CHD2: variants seen among roughly 807,000 people sequenced by gnomAD.
CHD2 encodes the protein chromodomain helicase DNA binding protein 2.
In CHD2, 28 loss-of-function variants were observed where a neutral mutation model predicts 243.9. That is an observed-to-expected ratio of 0.11 (90% CI 0.09 to 0.16). The LOEUF (loss-of-function observed/expected upper bound fraction) is 0.16. Ranked by LOEUF, CHD2 falls within the 10% of genes least tolerant of loss-of-function variation. The probability of loss-of-function intolerance (pLI) is 1.00; values close to 1 mark genes in which losing one functional copy is unlikely to be tolerated. For synonymous variants in CHD2, 775 were observed against 779.0 expected (o/e 0.99, Z 0.09); for missense variants, 1,386 against 2,209.8 (o/e 0.63, Z 7.47).
At chr15:92,918,794 G>T (rs915168791) in intron 2 of CHD2, among the ~76,000 whole-genome samples, 2 of 150,860 alleles carry the variant, frequency 1.3e-5, no homozygotes, top group African/African-American at 2.4e-5. Flanking sequence ...ACACATGTAC[G>T]CTATATATAC....
Position 92,985,484 on chromosome 15 carries a change from T to C in CHD2, c.3238-14T>C. 1 of 1,601,934 alleles carries C rather than the reference T, an allele frequency of 6.2e-7. No homozygotes were observed. The highest frequency in any genetic ancestry group is 8.5e-7 in the Non-Finnish European group (1 of 1,172,000). Reference sequence around the variant, plus strand: ...GCACTTGTTACAGTGTGACTTTGCCTCGATCTTTCTCAGGCTCAGACAAAT... The same window carrying C: ...GCACTTGTTACAGTGTGACTTTGCCCCGATCTTTCTCAGGCTCAGACAAAT... On this transcript the variant is annotated splice_polypyrimidine_tract_variant and intron_variant, in intron 25 of 38. Transcript: ENST00000394196.
intron 21 of CHD2, 44 bp from the exon 22 acceptor site, chr15:92,979,091 G>T: frequency 6.3e-7 from 1 of 1,590,528 alleles, no homozygotes; most frequent in Admixed American, 1.8e-5. Context: ...TGGGGGGGTT[G>T]GGGGGTGGTT....
intron 13 of CHD2, among the ~76,000 whole-genome samples, chr15:92,952,923 A>C (rs370803445): frequency 6.6e-6 from 1 of 152,248 alleles, no homozygotes; most frequent in African/African-American, 2.4e-5. Flanking sequence ...GGGTGGCATT[A>C]AACAACCCAG....
rs748323413 is a variant in CHD2, at chr15:92,951,313, C to T, written c.1503-2044C>T. ...AGGCTCTTGAGTAGCTGGGATTACA[C>T]GCACGCACCACCATGCCTGGCTAAT... On this transcript the variant is annotated intron_variant, in intron 13 of 38. Coordinates refer to ENST00000394196, the MANE Select transcript of CHD2 (RefSeq NM_001271.4). 6.2e-4 allele frequency among the ~76,000 whole-genome samples: 94 copies of T among 152,010 alleles called. 1 individual carries two copies. The highest frequency in any genetic ancestry group is 2.1e-4 in the Non-Finnish European group (14 of 67,962).
chr15:92,997,521 T>G lies in CHD2; in HGVS notation c.3885+118T>G. The G allele has an allele frequency of 1.1e-6, 1 of 875,922 alleles. No individual in the cohort carries two copies. Among genetic ancestry groups the G allele is most frequent in the Non-Finnish European group, 1.6e-6 (1 of 611,692 alleles). The allele number at this position is 875,922 out of a possible 1,614,324, so 54.3% of individuals were successfully genotyped here. ...ATCAAATTAGAAATTAGTATAGTCA[T>G]TCTTGGAAATACTTCCATCTTTAGC... On this transcript the variant is annotated intron_variant, in intron 30 of 38. Transcript: ENST00000394196. This position sits in a 1 kb window ranked among gnomAD's most constrained non-coding sequence, Gnocchi z 4.1.
intron 7 of CHD2, among the ~76,000 whole-genome samples, chr15:92,940,763 A>G (rs2053348755): frequency 6.9e-6 from 1 of 144,110 alleles, no homozygotes; most frequent in Non-Finnish European, 1.5e-5. Context: ...ACATATATAA[A>G]AATATATATA....
At chr15:92,955,341 T>C (rs185194272) in intron 14 of CHD2, 82 bp from the exon 15 acceptor site, 9 of 760,792 alleles carry the variant, frequency 1.2e-5, no homozygotes, top group Non-Finnish European at 1.4e-5. Context: ...TTGGCATGTT[T>C]CTATTACATC....
At chr15:92,977,059 T>C (rs1192723666) in intron 20 of CHD2, among the ~76,000 whole-genome samples, 1 of 152,190 alleles carries the variant, frequency 6.6e-6, no homozygotes, top group Non-Finnish European at 1.5e-5. Context: ...ATCCACGTTA[T>C]CCTTGCTAAA....
intron 34 of CHD2, among the ~76,000 whole-genome samples, chr15:93,008,315 G>A (rs923741222): frequency 2.6e-5 from 4 of 152,176 alleles, no homozygotes; most frequent in African/African-American, 9.7e-5. Context: ...CCGCTCAGAG[G>A]TCCTTTTATC....
In CHD2 at chr15:92,984,254, A is replaced by C. The variant is rs772943769; in HGVS notation, c.3067-76A>C. 7.5e-5 allele frequency: 88 copies of C among 1,180,628 alleles called. No individual in the cohort carries two copies. The African/African-American group carries it at 1.2e-3, about 16-fold the overall frequency. The allele number at this position is 1,180,628 out of a possible 1,614,324, so 73.1% of individuals were successfully genotyped here. ...TTATTCACAGTGTCTACTTAGATAAAAACACTGGATAAATTGTTTTAGTAG... is the reference window on the plus strand; with the variant it reads ...TTATTCACAGTGTCTACTTAGATAACAACACTGGATAAATTGTTTTAGTAG... On this transcript the variant is annotated intron_variant, in intron 24 of 38. Coordinates refer to ENST00000394196, the MANE Select transcript of CHD2 (RefSeq NM_001271.4).
intron 24 of CHD2, among the ~76,000 whole-genome samples, chr15:92,983,500 ATT>A (rs2054004986): frequency 6.6e-6 from 1 of 152,192 alleles, no homozygotes; most frequent in South Asian, 2.1e-4. Flanking sequence ...CCAGAAGCTC[ATT>A]TATACCTTAT....
chr15:93,009,551 G>A (rs2054364524), intron 35 of CHD2, among the ~76,000 whole-genome samples: 2 of 152,166 alleles, frequency 1.3e-5, no homozygotes, highest in South Asian at 4.1e-4. Context: ...TATTTTATGA[G>A]AGAAAGATAG....
At chr15:92,961,456 G>A (rs76155141) in intron 16 of CHD2, among the ~76,000 whole-genome samples, 3,079 of 152,276 alleles carry the variant, frequency 0.02, 113 homozygotes, top group African/African-American at 0.071. Context: ...GCTGAGTGCA[G>A]TGGTACGATC....
chr15:93,023,452 G>A (rs12591099), intron 38 of CHD2, among the ~76,000 whole-genome samples: 84,567 of 152,048 alleles, frequency 0.56, 24,029 homozygotes, highest in East Asian at 0.86. Flanking sequence ...TCTTTGGGCT[G>A]TTGTGAATAA....
At chr15:92,901,122 C>A in intron 1 of CHD2, 45 bp from the exon 2 acceptor site, 1 of 688,260 alleles carries the variant, frequency 1.5e-6, no homozygotes, top group Non-Finnish European at 2.6e-6. Context: ...TAATAAAAAG[C>A]ATCGATAGAA....
chr15:93,010,037 C>T (rs762287959), intron 35 of CHD2, among the ~76,000 whole-genome samples: 1 of 152,230 alleles, frequency 6.6e-6, no homozygotes, highest in Non-Finnish European at 1.5e-5. Flanking sequence ...CCCCCTTCCC[C>T]CCAGAGTCCG....
chr15:93,019,984 C>T, intron 37 of CHD2, 28 bp from the exon 38 acceptor site: 2 of 1,597,318 alleles, frequency 1.3e-6, no homozygotes, highest in African/African-American at 1.3e-5. Flanking sequence ...TTCTTGCAGT[C>T]ATCAGATCAT....
At chr15:92,992,153 T>C (rs1213433747) in intron 27 of CHD2, among the ~76,000 whole-genome samples, 1 of 152,218 alleles carries the variant, frequency 6.6e-6, no homozygotes, top group East Asian at 1.9e-4. Flanking sequence ...TCTGATAAAC[T>C]TCTTGAGTGG....
At chr15:92,948,105 G>C (rs1052775082) in intron 12 of CHD2, among the ~76,000 whole-genome samples, 2 of 152,128 alleles carry the variant, frequency 1.3e-5, no homozygotes, top group Non-Finnish European at 2.9e-5. Flanking sequence ...GCAAACCATA[G>C]AGACTGACCT....
Sources: allele counts gnomAD v4.1 joint callset (sites outside exome capture counted in the v4.1 genomes callset), GRCh38; gene constraint gnomAD v4.1.1; non-coding constraint Gnocchi (gnomAD v3.1); transcripts MANE v1.5; gene names NCBI Gene and HGNC (gene_info 2026-07-23, HGNC 2026-07-21).